Variants in ADAMTSL3 observed in about 807,000 individuals in gnomAD.
ADAMTSL3 encodes the protein ADAMTS-like protein 3.
In ADAMTSL3, 128 loss-of-function variants were observed where a neutral mutation model predicts 201.7. The observed-to-expected ratio is 0.63, with a 90% CI of 0.55 to 0.73. The LOEUF is 0.73. ADAMTSL3 is among the 30% of genes least tolerant of loss of function. ADAMTSL3 has a pLI of 0.00. For synonymous variants in ADAMTSL3, 738 were observed against 748.4 expected, an observed-to-expected ratio of 0.99 and a Z score of 0.23; for missense variants, 1,990 against 2,119.6, an observed-to-expected ratio of 0.94 and a Z score of 1.20.
chr15:83,970,453 A>G (rs1040410440), intron 19 of ADAMTSL3, 31 bp from the exon 20 acceptor site: 20 of 1,613,684 alleles, frequency 1.2e-5, no homozygotes, highest in East Asian at 6.7e-5. Context: ...CTCATGCTCC[A>G]TTTGACTCTG....
At chr15:83,905,591 T>C (rs1244989597) in intron 15 of ADAMTSL3, among the ~76,000 whole-genome samples, 1 of 152,172 alleles carries the variant, frequency 6.6e-6, no homozygotes. Flanking sequence ...GTGGGAGCCA[T>C]GTAAGGATTT....
At chr15:83,734,038 G>A (rs1457434678) in intron 3 of ADAMTSL3, among the ~76,000 whole-genome samples, 1 of 152,108 alleles carries the variant, frequency 6.6e-6, no homozygotes, top group African/African-American at 2.4e-5. Flanking sequence ...CAGCGTAAAA[G>A]GAATAGTGAG....
intron 3 of ADAMTSL3, among the ~76,000 whole-genome samples, chr15:83,743,453 C>T (rs2062489725): frequency 7.0e-6 from 1 of 142,832 alleles, no homozygotes. Context: ...GCGGAGCTTG[C>T]AGTGAGCCGA....
chr15:84,001,354 A>T (rs190436845), intron 23 of ADAMTSL3, among the ~76,000 whole-genome samples: 1 of 152,256 alleles, frequency 6.6e-6, no homozygotes, highest in Non-Finnish European at 1.5e-5. Flanking sequence ...TTGGAAAACC[A>T]TCAAAGCTCA....
At chr15:83,789,722 G>A (rs948757513) in intron 4 of ADAMTSL3, among the ~76,000 whole-genome samples, 1 of 152,136 alleles carries the variant, frequency 6.6e-6, no homozygotes, top group African/African-American at 2.4e-5. Context: ...TTTCAGTATA[G>A]TACTCTTGCC....
At chr15:83,792,626 A>G (rs575268546) in intron 4 of ADAMTSL3, among the ~76,000 whole-genome samples, 23 of 152,224 alleles carry the variant, frequency 1.5e-4, no homozygotes, top group East Asian at 3.9e-4. Context: ...TCTACTAAAG[A>G]TACAAAATTA....
intron 2 of ADAMTSL3, among the ~76,000 whole-genome samples, chr15:83,670,945 C>T (rs941180600): frequency 6.6e-6 from 1 of 152,194 alleles, no homozygotes; most frequent in Non-Finnish European, 1.5e-5. Context: ...TATTCTTTCA[C>T]TCCTTTGACC....
intron 23 of ADAMTSL3, among the ~76,000 whole-genome samples, chr15:83,997,646 A>G (rs1035196905): frequency 6.6e-6 from 1 of 152,204 alleles, no homozygotes; most frequent in Non-Finnish European, 1.5e-5. Flanking sequence ...ATTAATGTCC[A>G]TTAATTTTTA....
chr15:83,686,758 T>G (rs980326519), intron 2 of ADAMTSL3, among the ~76,000 whole-genome samples: 1 of 152,198 alleles, frequency 6.6e-6, no homozygotes, highest in Non-Finnish European at 1.5e-5. Flanking sequence ...CTTGCCTGAC[T>G]TAAATCAGTG....
chr15:84,011,620 G>T (rs1049404886), intron 23 of ADAMTSL3, among the ~76,000 whole-genome samples: 1 of 151,958 alleles, frequency 6.6e-6, no homozygotes, highest in African/African-American at 2.4e-5. Flanking sequence ...ACAAGAAAAA[G>T]AAATCAGAAG....
chr15:84,001,542 T>C (rs111757348), intron 23 of ADAMTSL3, among the ~76,000 whole-genome samples: 2 of 152,328 alleles, frequency 1.3e-5, no homozygotes, highest in African/African-American at 4.8e-5. Flanking sequence ...CCTGTGTGAC[T>C]CCAAAGGAGC....
At chr15:83,924,486 T>C (rs1264915216) in intron 17 of ADAMTSL3, among the ~76,000 whole-genome samples, 3 of 152,174 alleles carry the variant, frequency 2.0e-5, no homozygotes, top group Admixed American at 6.5e-5. Context: ...CATACTGATG[T>C]GTTATTACCT....
At position 83,916,963 on chromosome 15, in the gene ADAMTSL3, C is replaced by G. The variant is rs184797571; in HGVS notation, c.1987+3585C>G. Among the ~76,000 whole-genome samples the G allele has an allele frequency of 1.6e-3, 251 of 152,260 alleles. 1 individual carries two copies. Among genetic ancestry groups the G allele is most frequent in the Non-Finnish European group, 2.9e-3 (194 of 68,008 alleles). ...CTGTCCCAACCACACTGCTTATAGT[C>G]AGTGGTACTTGCCTCTGTGATCTAT... is the stretch of plus-strand genomic sequence containing the variant. On this transcript the variant is annotated intron_variant, in intron 16 of 29. Coordinates refer to ENST00000286744, the MANE Select transcript of ADAMTSL3 (RefSeq NM_207517.3).
intron 3 of ADAMTSL3, among the ~76,000 whole-genome samples, chr15:83,759,884 A>G (rs1185614837): frequency 1.3e-5 from 2 of 152,156 alleles, no homozygotes; most frequent in Non-Finnish European, 2.9e-5. Flanking sequence ...TCATCCTCTT[A>G]CCATTTTAGG....
chr15:83,669,255 C>T (rs559459213), intron 2 of ADAMTSL3, among the ~76,000 whole-genome samples: 1 of 152,196 alleles, frequency 6.6e-6, no homozygotes, highest in Non-Finnish European at 1.5e-5. Context: ...AAGCGATTCT[C>T]CTGCCTTAGC....
Position 83,970,577 on chromosome 15 carries a change from A to T in ADAMTSL3, c.2584A>T (p.Met862Leu), listed in dbSNP as rs1297444847. 2 of 1,614,056 alleles carry T rather than the reference A, an allele frequency of 1.2e-6. No individual in the cohort carries two copies. Among genetic ancestry groups the T allele is most frequent in the East Asian group, 2.2e-5 (1 of 44,882 alleles). ...TCGGCGCATCCCCCTCAGTGAGATG[A>T]TGTGCAGGGATCTACCAGGGCTCCC... ...KGRRIPLSEM[M>L]CRDLPGLPLV... Residue 862 changes from methionine (M) to leucine (L), a missense_variant, in exon 20 of 30, where the codon ATG becomes TTG. Coordinates refer to ENST00000286744, the MANE Select transcript of ADAMTSL3 (RefSeq NM_207517.3).
chr15:83,839,277 G>C (rs1473194425), intron 7 of ADAMTSL3, among the ~76,000 whole-genome samples: 1 of 152,156 alleles, frequency 6.6e-6, no homozygotes, highest in African/African-American at 2.4e-5. Context: ...CATTGCGGGA[G>C]GGGTGGAGGG....
chr15:83,859,580 A>G (rs2064813472), intron 8 of ADAMTSL3, among the ~76,000 whole-genome samples: 1 of 152,178 alleles, frequency 6.6e-6, no homozygotes, highest in Non-Finnish European at 1.5e-5. Context: ...ATCCACTATT[A>G]CCTTGTTGCC....
Position 83,743,899 on chromosome 15 carries a change from G to A in ADAMTSL3, c.190-29624G>A, listed in dbSNP as rs142703850. On this transcript the variant is annotated intron_variant, in intron 3 of 29. Coordinates refer to ENST00000286744, the MANE Select transcript of ADAMTSL3 (RefSeq NM_207517.3). ...TTGATATGGCGTCTGTTGCCCAGGC[G>A]GAGTGCAGTGGTGTGATCTCGGTTC... Among the ~76,000 whole-genome samples the A allele has an allele frequency of 8.4e-4, 128 of 151,852 alleles. 3 individuals are homozygous for A. In the East Asian group the frequency reaches 0.02, roughly 23 times the overall value.
Sources: allele counts gnomAD v4.1 joint callset (sites outside exome capture counted in the v4.1 genomes callset), GRCh38; gene constraint gnomAD v4.1.1; transcripts MANE v1.5; gene names NCBI Gene and HGNC (gene_info 2026-07-23, HGNC 2026-07-21).